Variants in PRDM11 observed in about 807,000 individuals in gnomAD.
The protein encoded by PRDM11 is PR domain-containing protein 11.
In PRDM11, 20 loss-of-function variants were observed where a neutral mutation model predicts 97.8. That is an observed-to-expected ratio of 0.20 (90% confidence interval 0.14 to 0.30). PRDM11 has a LOEUF of 0.30. Ranked by LOEUF, PRDM11 falls within the 10% of genes least tolerant of loss-of-function variation. The pLI is 1.00. For synonymous variants in PRDM11, 599 were observed against 637.7 expected, an observed-to-expected ratio of 0.94 and a Z score of 0.91; for missense variants, 1,139 against 1,555.2, an observed-to-expected ratio of 0.73 and a Z score of 4.50.
intron 4 of PRDM11, among the ~76,000 whole-genome samples, chr11:45,194,373 C>T (rs1163107733): frequency 6.6e-6 from 1 of 152,144 alleles, no homozygotes; most frequent in African/African-American, 2.4e-5. Context: ...TTTGGGGTTT[C>T]TTGGTGTTTG....
At chr11:45,118,366 T>G (rs11038306) in intron 1 of PRDM11, among the ~76,000 whole-genome samples, 122,406 of 152,148 alleles carry the variant, frequency 0.8, 50,108 homozygotes, top group Middle Eastern at 0.87. Flanking sequence ...AGAAATTGGT[T>G]AGGGGTGCAT....
chr11:45,133,300 C>T (rs1852760933), intron 1 of PRDM11, among the ~76,000 whole-genome samples: 1 of 152,136 alleles, frequency 6.6e-6, no homozygotes, highest in African/African-American at 2.4e-5. Flanking sequence ...TAAGTGACTC[C>T]TATCATGAAA....
At chr11:45,146,379 C>T (rs1851508409), upstream of PRDM11, among the ~76,000 whole-genome samples, 1 of 152,194 alleles carries the variant, frequency 6.6e-6, no homozygotes, top group Admixed American at 6.5e-5. Flanking sequence ...AAAAAGTATC[C>T]CAGTTCGAAA....
At chr11:45,100,740 CAT>C (rs1311628014) in intron 1 of PRDM11, among the ~76,000 whole-genome samples, 1 of 152,230 alleles carries the variant, frequency 6.6e-6, no homozygotes, top group African/African-American at 2.4e-5. Context: ...GGACTGAGCT[CAT>C]AAGCCACAAC....
At chr11:45,164,370 G>A (rs763588854) in intron 1 of PRDM11, among the ~76,000 whole-genome samples, 2 of 152,246 alleles carry the variant, frequency 1.3e-5, no homozygotes, top group Non-Finnish European at 2.9e-5. Flanking sequence ...CTGTCAGTGC[G>A]GGCCTCCCCT....
chr11:45,100,679 C>G (rs747754800), intron 1 of PRDM11, among the ~76,000 whole-genome samples: 6 of 152,202 alleles, frequency 3.9e-5, no homozygotes, highest in Non-Finnish European at 8.8e-5. Context: ...CAACAGCTTC[C>G]CATCCTCAAC....
chr11:45,219,511 C>T lies in PRDM11; in HGVS notation c.555-59C>T. 1 of 1,484,352 alleles carries T rather than the reference C, an allele frequency of 6.7e-7. No homozygotes were observed. The highest frequency in any genetic ancestry group is 1.3e-5 in the South Asian group (1 of 79,584). The allele number at this position is 1,484,352 out of a possible 1,614,324, so 91.9% of individuals were successfully genotyped here. A position where few individuals can be genotyped will look rare whatever the true frequency, so the allele number is the denominator to read the frequency against. ...CACTTGCCCAGCACTGTGCCGGCAC[C>T]AGCGGGCACTCAACAAAGGGTGGCC... On this transcript the variant is annotated intron_variant, in intron 5 of 7. Coordinates refer to ENST00000683152, the MANE Select transcript of PRDM11 (RefSeq NM_001384648.1). This position sits in a 1 kb window ranked among gnomAD's most constrained non-coding sequence, Gnocchi z 4.2.
chr11:45,135,417 A>G (rs12285219), intron 1 of PRDM11, among the ~76,000 whole-genome samples: 9,071 of 152,294 alleles, frequency 0.06, 933 homozygotes, highest in African/African-American at 0.21. Context: ...CAAAGAATCA[A>G]CTCAGAACTA....
In PRDM11 at chr11:45,230,984, A is replaced by G. The variant is rs1854388583; in HGVS notation, c.*2825A>G. 6.6e-6 allele frequency: 1 copy of G among 152,258 alleles called. No individual in the cohort carries two copies. The highest frequency in any genetic ancestry group is 2.4e-5 in the African/African-American group (1 of 41,462). The allele number at this position is 152,258 out of a possible 1,614,324, so 9.4% of individuals were successfully genotyped here. A position where few individuals can be genotyped will look rare whatever the true frequency, so the allele number is the denominator to read the frequency against. The stretch of plus-strand genomic sequence containing the variant: ...AGCAGAATGAGCTGCTATGCACAGC[A>G]TGCAGCTGCAGGGGTCACTTCCTGA... On this transcript the variant is annotated 3_prime_UTR_variant, in exon 8 of 8. Transcript: ENST00000683152.
intron 5 of PRDM11, chr11:45,213,288 G>T (rs1351710426): frequency 2.2e-6 from 1 of 456,390 alleles, no homozygotes; most frequent in African/African-American, 2.0e-5. Flanking sequence ...TGCTTGCTTG[G>T]CCTGGAGATC....
chr11:45,195,878 A>G (rs1237495676), intron 4 of PRDM11, among the ~76,000 whole-genome samples: 1 of 152,156 alleles, frequency 6.6e-6, no homozygotes, highest in African/African-American at 2.4e-5. Context: ...ACCTGGCCGT[A>G]TCATTCCCTT....
chr11:45,185,756 C>A (rs922370276), intron 4 of PRDM11, among the ~76,000 whole-genome samples: 1 of 152,136 alleles, frequency 6.6e-6, no homozygotes, highest in Non-Finnish European at 1.5e-5. Context: ...AATGTCCCCC[C>A]AAAAATGTCC....
chr11:45,137,699 T>C (rs961655469), intron 1 of PRDM11, among the ~76,000 whole-genome samples: 4 of 152,164 alleles, frequency 2.6e-5, no homozygotes, highest in African/African-American at 9.7e-5. Context: ...GCTGAGATGG[T>C]GCAACTGAAC....
At chr11:45,151,435 A>G (rs577405524) in intron 1 of PRDM11, among the ~76,000 whole-genome samples, 2 of 152,388 alleles carry the variant, frequency 1.3e-5, no homozygotes, top group Non-Finnish European at 2.9e-5. Context: ...ATGCAGCCAC[A>G]TTGCTGGTGG....
chr11:45,213,001 C>A (rs984436703), intron 5 of PRDM11: 3 of 404,378 alleles, frequency 7.4e-6, no homozygotes, highest in African/African-American at 2.0e-5. Flanking sequence ...CATCAGCCCC[C>A]ACACGGACTA....
intron 5 of PRDM11, among the ~76,000 whole-genome samples, chr11:45,208,046 T>A (rs958009811): frequency 2.6e-5 from 4 of 152,174 alleles, no homozygotes; most frequent in Admixed American, 2.0e-4. Context: ...CTGTGCCCCT[T>A]GCCCAGGGCC....
rs148050445 is a variant in PRDM11, at chr11:45,218,135, C to T, written c.555-1435C>T. 5.5e-3 allele frequency among the ~76,000 whole-genome samples: 838 copies of T among 152,118 alleles called. 6 individuals carry two copies. The highest frequency in any genetic ancestry group is 9.2e-3 in the Non-Finnish European group (624 of 68,012). On this transcript the variant is annotated intron_variant, in intron 5 of 7. Transcript: ENST00000683152. ...CATTATATAAATGTAACATCATTTA[C>T]GAAATCTTATCTAGTATTAGACATT...
intron 1 of PRDM11, among the ~76,000 whole-genome samples, chr11:45,107,032 T>C (rs1852073735): frequency 6.6e-6 from 1 of 152,198 alleles, no homozygotes; most frequent in Non-Finnish European, 1.5e-5. Flanking sequence ...GAACTGCTTC[T>C]GTCTGTGAGT....
At chr11:45,100,794 G>A (rs574167454) in intron 1 of PRDM11, among the ~76,000 whole-genome samples, 72 of 152,334 alleles carry the variant, frequency 4.7e-4, no homozygotes, top group African/African-American at 1.7e-3. Context: ...GGCCAGGCCT[G>A]TGCTATATAT....
Sources: allele counts gnomAD v4.1 joint callset (sites outside exome capture counted in the v4.1 genomes callset), GRCh38; gene constraint gnomAD v4.1.1; non-coding constraint Gnocchi (gnomAD v3.1); transcripts MANE v1.5; gene names NCBI Gene and HGNC (gene_info 2026-07-23, HGNC 2026-07-21).